ABTB3: variants seen among roughly 807,000 people sequenced by gnomAD.
ABTB3 encodes ankyrin repeat- and BTB/POZ domain-containing protein 3.
At chr12:107,608,226 G>T in the ABTB3 span, among the ~76,000 whole-genome samples, 1 of 152,066 alleles carries the variant, frequency 6.6e-6, no homozygotes, top group African/African-American at 2.4e-5. Flanking sequence ...TCAGCCCCTC[G>T]TCACTTCACA....
At chr12:107,550,119 T>C in the ABTB3 span, among the ~76,000 whole-genome samples, 1 of 152,186 alleles carries the variant, frequency 6.6e-6, no homozygotes, top group Non-Finnish European at 1.5e-5. Flanking sequence ...TAGTAGATCC[T>C]AATAAGACTT....
the ABTB3 span, among the ~76,000 whole-genome samples, chr12:107,643,445 A>T: frequency 2.7e-5 from 4 of 149,476 alleles, no homozygotes; most frequent in Non-Finnish European, 5.9e-5. Context: ...AAGATAAGAT[A>T]AGCCTGGGTG....
chr12:107,319,694 G>A, the ABTB3 span: 7 of 1,534,572 alleles, frequency 4.6e-6, no homozygotes, highest in African/African-American at 8.2e-5. Context: ...CTACTCGCGG[G>A]TCGTGGCCTC....
At chr12:107,636,649 A>G in the ABTB3 span, among the ~76,000 whole-genome samples, 3 of 152,230 alleles carry the variant, frequency 2.0e-5, no homozygotes, top group Admixed American at 1.3e-4. Context: ...AAGGCTGTCT[A>G]TCTTTCTGAC....
the ABTB3 span, among the ~76,000 whole-genome samples, chr12:107,495,569 G>A: frequency 1.3e-5 from 2 of 152,196 alleles, no homozygotes; most frequent in Non-Finnish European, 2.9e-5. Context: ...GGCTAGGACT[G>A]GCTGCCTCCT....
the ABTB3 span, among the ~76,000 whole-genome samples, chr12:107,476,544 G>A: frequency 7.9e-3 from 1,205 of 152,080 alleles, 30 homozygotes; most frequent in African/African-American, 0.027. Context: ...AGTACAACTC[G>A]AGTGTCAGGT....
chr12:107,593,363 G>T, the ABTB3 span, among the ~76,000 whole-genome samples: 125 of 152,296 alleles, frequency 8.2e-4, 1 homozygote, highest in African/African-American at 3.0e-3. Flanking sequence ...CATCTTGTGG[G>T]ACTTGTGTTA....
the ABTB3 span, among the ~76,000 whole-genome samples, chr12:107,627,473 T>C: frequency 1.3e-5 from 2 of 152,142 alleles, no homozygotes; most frequent in African/African-American, 4.8e-5. Flanking sequence ...GGCCCAAGAG[T>C]GGGTCACCCT....
chr12:107,445,207 C>T, the ABTB3 span, among the ~76,000 whole-genome samples: 1 of 152,220 alleles, frequency 6.6e-6, no homozygotes, highest in East Asian at 1.9e-4. Flanking sequence ...GCTGTCAACC[C>T]ACAAGCACTT....
the ABTB3 span, among the ~76,000 whole-genome samples, chr12:107,394,328 GC>G: frequency 6.6e-6 from 1 of 152,166 alleles, no homozygotes. Context: ...TAGAGACATG[GC>G]TTTTTCATTA....
the ABTB3 span, among the ~76,000 whole-genome samples, chr12:107,469,600 C>T: frequency 5.4e-3 from 818 of 152,282 alleles, 10 homozygotes; most frequent in African/African-American, 0.017. Flanking sequence ...AAGAAGCCCT[C>T]AACTCTGAAG....
chr12:107,585,279 TTTTGCAAG>T, the ABTB3 span, among the ~76,000 whole-genome samples: 1 of 152,148 alleles, frequency 6.6e-6, no homozygotes, highest in African/African-American at 2.4e-5. Flanking sequence ...TGGTTACTCT[TTTTGCAAG>T]TGTTTCTGTA....
the ABTB3 span, among the ~76,000 whole-genome samples, chr12:107,457,920 G>A: frequency 2.6e-5 from 4 of 152,330 alleles, no homozygotes; most frequent in East Asian, 7.7e-4. Context: ...CTAGCCGTGT[G>A]ACCTCGGGTA....
chr12:107,633,180 GTC>G, the ABTB3 span, among the ~76,000 whole-genome samples: 1 of 152,170 alleles, frequency 6.6e-6, no homozygotes, highest in Non-Finnish European at 1.5e-5. Flanking sequence ...GGGAGGTGGT[GTC>G]TTTGGGAGGT....
chr12:107,411,824 C>T, the ABTB3 span, among the ~76,000 whole-genome samples: 47 of 152,100 alleles, frequency 3.1e-4, no homozygotes, highest in Non-Finnish European at 5.9e-4. Flanking sequence ...ATTCCAGCTG[C>T]GGCTTGATCT....
At chr12:107,582,981 G>A in the ABTB3 span, among the ~76,000 whole-genome samples, 4 of 152,128 alleles carry the variant, frequency 2.6e-5, no homozygotes, top group Non-Finnish European at 5.9e-5. Flanking sequence ...ATACCTTCAG[G>A]AGACCCTACA....
the ABTB3 span, among the ~76,000 whole-genome samples, chr12:107,503,777 A>AAAAAAAAAAAAG: frequency 6.7e-6 from 1 of 150,364 alleles, no homozygotes; most frequent in African/African-American, 2.4e-5. Context: ...AAAAAAAAGA[A>AAAAAAAAAAAAG]GAAGAAGAAG....
chr12:107,473,117 C>G, the ABTB3 span, among the ~76,000 whole-genome samples: 1 of 152,128 alleles, frequency 6.6e-6, no homozygotes, highest in East Asian at 1.9e-4. Flanking sequence ...ACCTTTTTCT[C>G]TTTTCATTCG....
At chr12:107,396,069 C>G in the ABTB3 span, among the ~76,000 whole-genome samples, 2 of 152,200 alleles carry the variant, frequency 1.3e-5, no homozygotes. Flanking sequence ...TGGCCTAAGC[C>G]TGGGAAGTCC....
Sources: allele counts gnomAD v4.1 joint callset (sites outside exome capture counted in the v4.1 genomes callset), GRCh38; gene constraint gnomAD v4.1.1; transcripts MANE v1.5; gene names NCBI Gene and HGNC (gene_info 2026-07-23, HGNC 2026-07-21).